The following RGSL1 variants were observed in gnomAD, a reference collection of about 807,000 sequenced individuals.
RGSL1 encodes regulator of G protein signaling like 1.
RGSL1 carries 97 observed loss-of-function variants against 124.7 expected under a neutral mutation model. The observed-to-expected ratio is 0.78, with a 90% CI of 0.66 to 0.92. The LOEUF (loss-of-function observed/expected upper bound fraction) is 0.92, where lower values mean the gene tolerates loss of function less well. RGSL1 is among the 40% of genes least tolerant of loss of function. The pLI is 0.00. For synonymous variants in RGSL1, 424 were observed against 438.1 expected (o/e 0.97, Z 0.40); for missense variants, 1,233 against 1,288.4 (o/e 0.96, Z 0.66).
chr1:182,504,893 G>A (rs1053679135), intron 9 of RGSL1, among the ~76,000 whole-genome samples: 5 of 152,040 alleles, frequency 3.3e-5, no homozygotes, highest in Admixed American at 2.6e-4. Flanking sequence ...TTCACTCCTC[G>A]CTTGCCTGGA....
At chr1:182,478,817 AAGAATT>A (rs1654485251) in intron 6 of RGSL1, among the ~76,000 whole-genome samples, 1 of 152,238 alleles carries the variant, frequency 6.6e-6, no homozygotes, top group South Asian at 2.1e-4. Flanking sequence ...GTCAAAGACA[AAGAATT>A]TTGAAAGAAG....
At position 182,474,082 on chromosome 1, in the gene RGSL1, C is replaced by T; in HGVS notation, c.971C>T (p.Ala324Val). Residue 324 changes from alanine (A) to valine (V), a missense_variant, in exon 6 of 22, where the codon GCC becomes GTC. Transcript: ENST00000294854. ...YAKISSMENKAKSHLHMEAPF... is the reference protein window; with the variant it reads ...YAKISSMENKVKSHLHMEAPF... ...AAAATATCCAGCATGGAGAATAAAG[C>T]CAAGAGCCACCTCCACATGGAAGCC... 6.4e-7 allele frequency: 1 copy of T among 1,551,768 alleles called. No individual in the cohort carries two copies. The highest frequency in any genetic ancestry group is 8.7e-7 in the Non-Finnish European group (1 of 1,147,002).
chr1:182,455,547 A>T (rs1652246234), intron 2 of RGSL1, among the ~76,000 whole-genome samples: 1 of 151,982 alleles, frequency 6.6e-6, no homozygotes, highest in Admixed American at 6.6e-5. Context: ...GCACCACTGC[A>T]CTCCAGCCTA....
chr1:182,489,061 A>G lies in RGSL1; in HGVS notation c.1576A>G (p.Ile526Val). 1 of 1,551,680 alleles carries G rather than the reference A, an allele frequency of 6.4e-7. No individual in the cohort carries two copies. The highest frequency in any genetic ancestry group is 1.4e-5 in the African/African-American group (1 of 73,150). The change falls in exon 8 of 22, where the codon ATT becomes GTT. Residue 526 changes from isoleucine (I) to valine (V), a missense_variant. Ile to Val is a conservative substitution (Grantham distance 29, BLOSUM62 3). Transcript: ENST00000294854. ...KEENILLYKR[I>V]QQSLELSQAL... The stretch of plus-strand genomic sequence containing the variant: ...AGAGAACATTCTTCTTTATAAGAGG[A>G]TTCAGCAGTCTCTAGAGTTAAGCCA...
intron 9 of RGSL1, among the ~76,000 whole-genome samples, chr1:182,521,200 G>A (rs547050464): frequency 6.6e-6 from 1 of 152,242 alleles, no homozygotes; most frequent in Non-Finnish European, 1.5e-5. Flanking sequence ...CTTCCAAGTA[G>A]CTAGGACCAC....
intron 9 of RGSL1, among the ~76,000 whole-genome samples, chr1:182,502,142 ATGTT>A (rs1656436009): frequency 1.3e-5 from 2 of 152,108 alleles, no homozygotes. Context: ...GTCTAGCTAA[ATGTT>A]TGCCAATTTT....
chr1:182,496,823 C>A (rs1337094363), intron 9 of RGSL1, among the ~76,000 whole-genome samples: 1 of 152,178 alleles, frequency 6.6e-6, no homozygotes, highest in East Asian at 1.9e-4. Context: ...ATGCAAGATG[C>A]AATCTATGTC....
At chr1:182,466,265 C>T (rs1320245674) in intron 4 of RGSL1, among the ~76,000 whole-genome samples, 1 of 152,042 alleles carries the variant, frequency 6.6e-6, no homozygotes, top group South Asian at 2.1e-4. Context: ...ATAGGAAATG[C>T]CTGATTTCAC....
intron 9 of RGSL1, among the ~76,000 whole-genome samples, chr1:182,493,703 A>G (rs944098321): frequency 5.9e-5 from 9 of 152,106 alleles, no homozygotes; most frequent in African/African-American, 2.2e-4. Flanking sequence ...GAAGGATATA[A>G]CCTAGGGTTT....
At chr1:182,492,928 A>G in intron 8 of RGSL1, 94 bp from the exon 9 acceptor site, 1 of 851,984 alleles carries the variant, frequency 1.2e-6, no homozygotes, top group Non-Finnish European at 1.9e-6. Context: ...TGCGCCCAGC[A>G]TTTTAAAGGC....
In RGSL1 at chr1:182,489,039, G is replaced by T; in HGVS notation, c.1554G>T (p.Glu518Asp). 1 of 1,551,612 alleles carries T rather than the reference G, an allele frequency of 6.4e-7. No individual in the cohort carries two copies. The highest frequency in any genetic ancestry group is 1.4e-5 in the African/African-American group (1 of 73,144). Residue 518 changes from glutamate (E) to aspartate (D), a missense_variant, in exon 8 of 22, where the codon GAG becomes GAT. Transcript: ENST00000294854. Reference sequence around the variant, plus strand: ...AAAGAGAATTTATAGGCAAAGAAGAGAACATTCTTCTTTATAAGAGGATTC... The same window carrying T: ...AAAGAGAATTTATAGGCAAAGAAGATAACATTCTTCTTTATAAGAGGATTC... ...QHKREFIGKE[E>D]NILLYKRIQQ...
At chr1:182,540,872 AT>A (rs35057662) in intron 15 of RGSL1, among the ~76,000 whole-genome samples, 3 of 152,128 alleles carry the variant, frequency 2.0e-5, no homozygotes, top group African/African-American at 7.2e-5. Flanking sequence ...CACCTGTCAA[AT>A]TTTTTATGTA....
intron 6 of RGSL1, among the ~76,000 whole-genome samples, chr1:182,481,858 T>C (rs1222831758): frequency 1.3e-5 from 2 of 152,166 alleles, no homozygotes; most frequent in Non-Finnish European, 2.9e-5. Flanking sequence ...CGTGTGCCTG[T>C]GGTCCTAGCT....
At chr1:182,477,326 A>G (rs943500814) in intron 6 of RGSL1, among the ~76,000 whole-genome samples, 22 of 152,184 alleles carry the variant, frequency 1.4e-4, no homozygotes, top group Admixed American at 6.5e-5. Flanking sequence ...CCATGGTCTT[A>G]GCAGAAACTA....
intron 4 of RGSL1, among the ~76,000 whole-genome samples, chr1:182,460,389 G>C (rs1026137554): frequency 6.6e-6 from 1 of 152,144 alleles, no homozygotes; most frequent in Non-Finnish European, 1.5e-5. Context: ...TGAAATATTG[G>C]TATCAAGAGA....
At chr1:182,516,682 T>C (rs1657920277) in intron 9 of RGSL1, among the ~76,000 whole-genome samples, 2 of 140,392 alleles carry the variant, frequency 1.4e-5, no homozygotes, top group South Asian at 4.7e-4. Flanking sequence ...ATAAAGAAGT[T>C]AATCTATCTT....
chr1:182,448,632 C>T (rs1651616135), upstream of RGSL1, among the ~76,000 whole-genome samples: 1 of 152,096 alleles, frequency 6.6e-6, no homozygotes, highest in Non-Finnish European at 1.5e-5. Flanking sequence ...AGGGGACGGT[C>T]CCGGCAATTT....
At chr1:182,546,513 C>T (rs1462165372) in intron 15 of RGSL1, among the ~76,000 whole-genome samples, 5 of 152,156 alleles carry the variant, frequency 3.3e-5, no homozygotes, top group African/African-American at 9.7e-5. Context: ...CTTGCCTCAG[C>T]CTCCCAAGTA....
rs183999677 is a variant in RGSL1 at position 182,474,549 on chromosome 1, C to T, written c.1431+7C>T. Reference sequence around the variant, plus strand: ...CCAGAAGGAGATTTGCAAGGTAGGCCATGCCTCACAGAAATAAGTTATATC... The same window carrying T: ...CCAGAAGGAGATTTGCAAGGTAGGCTATGCCTCACAGAAATAAGTTATATC... On this transcript the variant is annotated splice_region_variant and intron_variant, in intron 6 of 21. Transcript: ENST00000294854. 2.1e-5 allele frequency: 32 copies of T among 1,528,944 alleles called. No individual in the cohort carries two copies. In the African/African-American group the frequency reaches 2.6e-4, roughly 13 times the overall value. 94.7% of individuals were successfully genotyped at this position (1,528,944 alleles called of 1,614,324 possible).
Sources: allele counts gnomAD v4.1 joint callset (sites outside exome capture counted in the v4.1 genomes callset), GRCh38; gene constraint gnomAD v4.1.1; transcripts MANE v1.5; gene names NCBI Gene and HGNC (gene_info 2026-07-23, HGNC 2026-07-21).